PWWP2A: variants seen among roughly 807,000 people sequenced by gnomAD.
PWWP2A encodes the protein PWWP domain containing 2A, also known as PWWP domain-containing protein 2A.
PWWP2A carries 18 observed loss-of-function variants against 48.5 expected under a neutral mutation model. The ratio of observed to expected loss-of-function variants is 0.37; its 90% CI spans 0.26 to 0.55. The LOEUF is 0.55. PWWP2A is among the 20% of genes least tolerant of loss of function. The pLI, the probability that PWWP2A is intolerant of heterozygous loss-of-function variation, is 0.81. For missense variants in PWWP2A, 867 were observed against 976.4 expected, an observed-to-expected ratio of 0.89 and a Z score of 1.49; for synonymous variants, 396 against 387.7, an observed-to-expected ratio of 1.02 and a Z score of -0.25.
At position 160,091,512 on chromosome 5, in the gene PWWP2A, C is replaced by T. The variant is rs1367756995; in HGVS notation, c.*870G>A. On this transcript the variant is annotated 3_prime_UTR_variant, in exon 2 of 2. Transcript: ENST00000307063. The stretch of plus-strand genomic sequence containing the variant: ...AGGTACATCCAAAATGCAACAATTA[C>T]ACATATGACAATTAATTCACAAAGT... The T allele has an allele frequency of 1.0e-6, 1 of 980,560 alleles. No homozygotes were observed. Among genetic ancestry groups the T allele is most frequent in the Non-Finnish European group, 1.2e-6 (1 of 825,920 alleles). 60.7% of individuals were successfully genotyped at this position (980,560 alleles called of 1,614,324 possible).
At chr5:160,082,167 G>A (rs142384207) in intron 2 of PWWP2A, among the ~76,000 whole-genome samples, 96 of 152,186 alleles carry the variant, frequency 6.3e-4, no homozygotes, top group African/African-American at 2.1e-3. Context: ...TTATCTGGCC[G>A]GGCGCGGTGG....
At chr5:160,062,969 T>C in intron 5 of PWWP2A, among the ~76,000 whole-genome samples, 1 of 152,224 alleles carries the variant, frequency 6.6e-6, no homozygotes, top group East Asian at 1.9e-4. Context: ...GCTGTGCCGC[T>C]GCCTTGTGCA....
chr5:160,083,324 T>C (rs1265230238), intron 2 of PWWP2A, among the ~76,000 whole-genome samples: 1 of 152,050 alleles, frequency 6.6e-6, no homozygotes, highest in Non-Finnish European at 1.5e-5. Flanking sequence ...AAATGACCCA[T>C]GGGTAAAAAT....
intron 4 of PWWP2A, chr5:160,064,807 G>T: frequency 9.8e-7 from 1 of 1,017,674 alleles, no homozygotes; most frequent in South Asian, 1.7e-5. Flanking sequence ...ATTAAAAGTA[G>T]GCATTTCTTT....
intron 1 of PWWP2A, among the ~76,000 whole-genome samples, chr5:160,099,323 G>A (rs1003791351): frequency 2.0e-5 from 3 of 152,128 alleles, no homozygotes; most frequent in Admixed American, 1.3e-4. Context: ...ATGTGTTAAC[G>A]TATTAGTGAC....
chr5:160,048,949 T>TA, the PWWP2A span, among the ~76,000 whole-genome samples: 3 of 149,946 alleles, frequency 2.0e-5, no homozygotes, highest in Non-Finnish European at 1.5e-5. Flanking sequence ...AGACTCCGTC[T>TA]AAAAAAAAAA....
intron 1 of PWWP2A, among the ~76,000 whole-genome samples, chr5:160,118,327 T>C (rs1758339777): frequency 1.3e-5 from 2 of 152,184 alleles, no homozygotes; most frequent in African/African-American, 4.8e-5. Flanking sequence ...AGGTAACCTT[T>C]TGGGAACCCC....
downstream of PWWP2A, among the ~76,000 whole-genome samples, chr5:160,057,144 G>A (rs1757567245): frequency 6.6e-6 from 1 of 152,132 alleles, no homozygotes; most frequent in Non-Finnish European, 1.5e-5. The surrounding 1 kb of genome is among the most constrained non-coding windows in gnomAD (Gnocchi z 4.4). Flanking sequence ...TCAGTGCTTT[G>A]CTTTTGTCTT....
rs1299825633 is a variant in PWWP2A, at chr5:160,096,966, C to T, written c.585-2901G>A. Among the ~76,000 whole-genome samples the T allele has an allele frequency of 4.6e-5, 7 of 152,296 alleles. No individual in the cohort carries two copies. The South Asian group carries it at 6.2e-4, about 14-fold the overall frequency. ...TCAGATAAAGATCAATAGGTGAATACGCGGCAGCCATTTTCCTTGGTTAAT... is the reference window on the plus strand; with the variant it reads ...TCAGATAAAGATCAATAGGTGAATATGCGGCAGCCATTTTCCTTGGTTAAT... On this transcript the variant is annotated intron_variant, in intron 1 of 1. Coordinates refer to ENST00000307063, the MANE Select transcript of PWWP2A (RefSeq NM_001130864.2).
In PWWP2A at chr5:160,093,293, G is replaced by A. The variant is rs780410934; in HGVS notation, c.1357C>T (p.His453Tyr). The part of the protein sequence containing the change: ...QNETSTSKNA[H>Y]SKVHFTRRYQ... ...CGACGTGTGAAATGGACTTTTGAAT[G>A]TGCATTTTTGGAAGTAGAGGTTTCA... The change falls in exon 2 of 2, where the codon CAT becomes TAT. Residue 453 changes from histidine to tyrosine, a missense_variant. By Grantham distance (83) the His-to-Tyr change is moderately conservative. This residue lies in a region of PWWP2A where 382 missense variants were observed against 407.2 expected (regional missense o/e 0.94). Transcript: ENST00000307063. The surrounding 1 kb of genome is among the most constrained non-coding windows in gnomAD (Gnocchi z 5.8). 4 of 1,613,872 alleles carry A rather than the reference G, an allele frequency of 2.5e-6. No individual in the cohort carries two copies. In the African/African-American group the frequency reaches 4.0e-5, roughly 16 times the overall value.
At chr5:160,109,788 T>A (rs1304148279) in intron 1 of PWWP2A, among the ~76,000 whole-genome samples, 57 of 117,468 alleles carry the variant, frequency 4.9e-4, no homozygotes, top group Non-Finnish European at 8.9e-4. Context: ...TATATATATA[T>A]ATATATATAT....
chr5:160,118,800 G>A lies in PWWP2A; in HGVS notation c.584+5C>T, dbSNP rs759141863. ...ACCGGAGGGTGCTGGGGGCGGGCGC[G>A]GTACCTTTTGGACAGATCCATGAGG... On this transcript the variant is annotated splice_donor_5th_base_variant and intron_variant, in intron 1 of 1. Coordinates refer to ENST00000307063, the MANE Select transcript of PWWP2A (RefSeq NM_001130864.2). 35 of 1,457,474 alleles carry A rather than the reference G, an allele frequency of 2.4e-5. No homozygotes were observed. Among genetic ancestry groups the A allele is most frequent in the Middle Eastern group, 3.6e-4 (2 of 5,576 alleles). The allele number at this position is 1,457,474 out of a possible 1,614,324, so 90.3% of individuals were successfully genotyped here.
chr5:160,090,857 T>C, downstream of PWWP2A: 1 of 984,906 alleles, frequency 1.0e-6, no homozygotes, highest in Non-Finnish European at 1.2e-6. Flanking sequence ...CCACAGCCAA[T>C]CAGATATATT....
At chr5:160,114,350 G>A (rs1452966394) in intron 1 of PWWP2A, among the ~76,000 whole-genome samples, 2 of 151,834 alleles carry the variant, frequency 1.3e-5, no homozygotes, top group Admixed American at 6.6e-5. Context: ...TGGCCAACAT[G>A]GCGAAACTCC....
rs1758443431 is a variant in PWWP2A, at chr5:160,119,035, T to C, written c.354A>G (p.Ala118=). The C allele has an allele frequency of 6.3e-7, 1 of 1,596,528 alleles. No homozygotes were observed. Among genetic ancestry groups the C allele is most frequent in the Middle Eastern group, 1.7e-4 (1 of 6,020 alleles). ...GAGCCGGGGGCTGCTCCGGCGGCGA[T>C]GCAGGAGAAGGTGGAAGTTCCGGCC... ...QGGPELPPSP[A]SPPEQPPAPE... is the part of the protein sequence containing the mutation. The change falls in exon 1 of 2, where the codon GCA becomes GCG. Residue 118 remains alanine (A), a synonymous_variant. Transcript: ENST00000307063.
Position 160,115,137 on chromosome 5 carries a change from CAAAAAA to C in PWWP2A, c.584+3662_584+3667del, listed in dbSNP as rs535110852. Among the ~76,000 whole-genome samples, 9 of 88,426 alleles carry C rather than the reference CAAAAAA, an allele frequency of 1.0e-4. No homozygotes were observed. The East Asian group carries it at 1.5e-3, about 15-fold the overall frequency. 58.0% of individuals were successfully genotyped at this position (88,426 alleles called of 152,430 possible). On this transcript the variant is annotated intron_variant, in intron 1 of 1. Transcript: ENST00000307063. ...CCTGGGTAACAGAGGGAGACTCTGT[CAAAAAA>C]AAAAAAAAAAAAAAAAAAAAAAAAG...
At chr5:160,109,773 AAATATATATATAT>A (rs1208425566) in intron 1 of PWWP2A, among the ~76,000 whole-genome samples, 4 of 30,124 alleles carry the variant, frequency 1.3e-4, no homozygotes, top group African/African-American at 3.8e-4. Context: ...AAAAAAAAAA[AAATATATATATAT>A]ATATATATAT....
chr5:160,065,992 A>G (rs1371552271), intron 4 of PWWP2A, among the ~76,000 whole-genome samples: 1 of 152,184 alleles, frequency 6.6e-6, no homozygotes, highest in East Asian at 1.9e-4. Flanking sequence ...TTGACATGCA[A>G]GTTTCATCTT....
downstream of PWWP2A, among the ~76,000 whole-genome samples, chr5:160,061,273 C>A (rs1164491154): frequency 6.6e-6 from 1 of 152,226 alleles, no homozygotes; most frequent in African/African-American, 2.4e-5. Context: ...AACTCTTAGA[C>A]AAAGATAGAC....
Sources: allele counts gnomAD v4.1 joint callset (sites outside exome capture counted in the v4.1 genomes callset), GRCh38; gene constraint gnomAD v4.1.1; regional missense constraint gnomAD v4.1.1; non-coding constraint Gnocchi (gnomAD v3.1); transcripts MANE v1.5; gene names NCBI Gene and HGNC (gene_info 2026-07-23, HGNC 2026-07-21).